The following NPAS1 variants were observed in gnomAD, a reference collection of about 807,000 sequenced individuals.
The protein encoded by NPAS1 is neuronal PAS domain protein 1.
Under a neutral mutation model 49.2 loss-of-function variants are expected in NPAS1, and 29 were observed. That is an observed-to-expected ratio of 0.59 (90% CI 0.44 to 0.80). The LOEUF is 0.80. NPAS1 is among the 30% of genes least tolerant of loss of function. The pLI is 0.00. For synonymous variants in NPAS1, 408 were observed against 380.4 expected, an observed-to-expected ratio of 1.07 and a Z score of -0.84; for missense variants, 825 against 835.5, an observed-to-expected ratio of 0.99 and a Z score of 0.15.
chr19:47,023,310 C>T (rs2056853242), intron 3 of NPAS1, among the ~76,000 whole-genome samples: 2 of 152,294 alleles, frequency 1.3e-5, no homozygotes, highest in East Asian at 1.9e-4. Flanking sequence ...GGCGTCCAGC[C>T]CCCCATTACC....
chr19:47,039,596 TG>T, intron 8 of NPAS1, 32 bp downstream of exon 8: 2 of 1,531,734 alleles, frequency 1.3e-6, no homozygotes, highest in South Asian at 1.3e-5. Context: ...GCGGGTGGAT[TG>T]GGGGCACAAT....
intron 3 of NPAS1, among the ~76,000 whole-genome samples, chr19:47,028,439 G>T (rs1228340907): frequency 6.6e-6 from 1 of 152,100 alleles, no homozygotes; most frequent in Non-Finnish European, 1.5e-5. Flanking sequence ...CGCGCCCATG[G>T]GGGAGGGGCG....
In NPAS1 at chr19:47,033,821, A is replaced by G. The variant is rs566301150; in HGVS notation, c.522+1089A>G. ...CCACCCCCACCATCTCTACAAAAAA[A>G]CTTAAAAATTAGCCAGGCATGGTGG... is the stretch of plus-strand genomic sequence containing the variant. On this transcript the variant is annotated intron_variant, in intron 5 of 11. Transcript: ENST00000602212. Among the ~76,000 whole-genome samples the G allele has an allele frequency of 1.2e-4, 18 of 149,864 alleles. No homozygotes were observed. In the East Asian group the frequency reaches 3.6e-3, roughly 30 times the overall value.
At chr19:47,029,519 C>A (rs1285043318) in intron 3 of NPAS1, among the ~76,000 whole-genome samples, 1 of 152,098 alleles carries the variant, frequency 6.6e-6, no homozygotes, top group Non-Finnish European at 1.5e-5. Flanking sequence ...CCCTCCTCAG[C>A]CTCCCGAATA....
chr19:47,023,672 G>A (rs2056855160), intron 3 of NPAS1, among the ~76,000 whole-genome samples: 1 of 152,164 alleles, frequency 6.6e-6, no homozygotes, highest in Admixed American at 6.6e-5. Flanking sequence ...TCAGTAATAA[G>A]CCGGGCACCA....
At chr19:47,041,673 T>G (rs1483423441) in intron 10 of NPAS1, among the ~76,000 whole-genome samples, 1 of 152,108 alleles carries the variant, frequency 6.6e-6, no homozygotes, top group African/African-American at 2.4e-5. Flanking sequence ...TCAGATCTGC[T>G]TTTTAGAAAG....
At position 47,036,023 on chromosome 19, in the gene NPAS1, G is replaced by A; in HGVS notation, c.582G>A (p.Val194=). Residue 194 remains valine, a synonymous_variant, in exon 6 of 12, where the codon GTG becomes GTA. Transcript: ENST00000602212. ...TTCACCCTGGGGACCACTCAGAGGT[G>A]CTGGAGCAACTGGGGCTGCGGACGC... The part of the protein sequence containing the change: ...DYIHPGDHSE[V]LEQLGLRTPT... 6.2e-7 allele frequency: 1 copy of A among 1,602,920 alleles called. No homozygotes were observed. Among genetic ancestry groups the A allele is most frequent in the Non-Finnish European group, 8.5e-7 (1 of 1,174,456 alleles).
intron 7 of NPAS1, 89 bp downstream of exon 7, chr19:47,039,240 G>T: frequency 6.9e-7 from 1 of 1,452,016 alleles, no homozygotes; most frequent in Non-Finnish European, 9.4e-7. Flanking sequence ...TGGCTTCACT[G>T]GCTGCAGGTG....
Position 47,039,043 on chromosome 19 carries a change from C to T in NPAS1, c.696C>T (p.Ser232=), listed in dbSNP as rs770543566. 3 of 1,614,118 alleles carry T rather than the reference C, an allele frequency of 1.9e-6. No individual in the cohort carries two copies. The highest frequency in any genetic ancestry group is 2.2e-5 in the South Asian group (2 of 91,090). The change falls in exon 7 of 12, where the codon AGC becomes AGT. Residue 232 remains serine (S), a synonymous_variant. Coordinates refer to ENST00000602212, the MANE Select transcript of NPAS1 (RefSeq NM_002517.4). ...SLADTPEIEA[S]LTKVPPSSLV... The stretch of plus-strand genomic sequence containing the variant: ...CTTCACTCTCTGTCCCAGAGGCCAG[C>T]CTCACCAAGGTGCCCCCCTCCTCCC...
Position 47,036,084 on chromosome 19 carries a change from T to C in NPAS1, c.643T>C (p.Ser215Pro). 6.3e-7 allele frequency: 1 copy of C among 1,587,232 alleles called. No individual in the cohort carries two copies. Among genetic ancestry groups the C allele is most frequent in the Non-Finnish European group, 8.6e-7 (1 of 1,166,974 alleles). ...CCCCCCAACCCCGCCCTCCGTCTCC[T>C]CTTCCTCCTCCTCTTCCTCTTCGCT... Reference protein sequence around the residue: ...PGPPTPPSVSSSSSSSSSLAD... With the variant: ...PGPPTPPSVSPSSSSSSSLAD... Residue 215 changes from serine (S) to proline (P), a missense_variant, in exon 6 of 12, where the codon TCT (serine) becomes CCT (proline). Coordinates refer to ENST00000602212, the MANE Select transcript of NPAS1 (RefSeq NM_002517.4).
intron 3 of NPAS1, among the ~76,000 whole-genome samples, chr19:47,027,001 T>A (rs532856558): frequency 1.3e-5 from 2 of 151,500 alleles, no homozygotes; most frequent in Non-Finnish European, 2.9e-5. Flanking sequence ...CTCCCAGTAT[T>A]AGGCACCTAC....
intron 5 of NPAS1, among the ~76,000 whole-genome samples, chr19:47,033,706 C>G (rs1173860987): frequency 1.3e-5 from 2 of 151,846 alleles, no homozygotes; most frequent in Admixed American, 6.6e-5. Flanking sequence ...GCCTGTAATC[C>G]CAACACTTTG....
intron 1 of NPAS1, 99 bp from the exon 2 acceptor site, chr19:47,020,907 C>A (rs1213538580): frequency 4.0e-5 from 12 of 301,050 alleles, no homozygotes; most frequent in Non-Finnish European, 6.3e-5. Flanking sequence ...CCCCCCCCCC[C>A]AGCTCCTTGC....
intron 3 of NPAS1, among the ~76,000 whole-genome samples, chr19:47,031,191 G>A (rs982917528): frequency 3.7e-5 from 3 of 80,664 alleles, no homozygotes; most frequent in African/African-American, 9.8e-5. Context: ...TTGTGTGTGT[G>A]TGTTTTTTTT....
chr19:47,026,963 AAAAG>A (rs2056874923), intron 3 of NPAS1, among the ~76,000 whole-genome samples: 1 of 152,130 alleles, frequency 6.6e-6, no homozygotes, highest in African/African-American at 2.4e-5. Context: ...AAAAAAAAAA[AAAAG>A]AGAGAGAGAG....
intron 3 of NPAS1, among the ~76,000 whole-genome samples, chr19:47,026,826 T>TC (rs113446862): frequency 0.39 from 58,473 of 151,726 alleles, 11,709 homozygotes; most frequent in Middle Eastern, 0.53. Flanking sequence ...ATGGTGGTGG[T>TC]GCCTGTACTC....
chr19:47,028,246 C>T (rs2056886188), intron 3 of NPAS1, among the ~76,000 whole-genome samples: 1 of 152,164 alleles, frequency 6.6e-6, no homozygotes, highest in African/African-American at 2.4e-5. Flanking sequence ...CTGCCTGTCA[C>T]CCGGCTGGTT....
intron 7 of NPAS1, 37 bp downstream of exon 7, chr19:47,039,188 G>A: frequency 6.4e-7 from 1 of 1,558,494 alleles, no homozygotes; most frequent in Non-Finnish European, 8.7e-7. Flanking sequence ...ATTCCAGGCA[G>A]CCATGTCCCC....
rs764432402 is a variant in NPAS1, at chr19:47,021,709, C to T, written c.220C>T (p.Leu74=). 2 of 1,554,838 alleles carry T rather than the reference C, an allele frequency of 1.3e-6. No individual in the cohort carries two copies. The highest frequency in any genetic ancestry group is 1.9e-5 in the Admixed American group (1 of 52,790). ...EFFELAKLLP[L]PGAISSQLDK... ...CTTCGAGCTGGCCAAGCTTCTCCCGCTGCCCGGCGCCATCTCCAGCCAGCT... is the reference window on the plus strand; with the variant it reads ...CTTCGAGCTGGCCAAGCTTCTCCCGTTGCCCGGCGCCATCTCCAGCCAGCT... Residue 74 remains leucine, a synonymous_variant, in exon 3 of 12, where the codon CTG becomes TTG. Transcript: ENST00000602212. This position sits in a 1 kb window ranked among gnomAD's most constrained non-coding sequence, Gnocchi z 5.7.
Sources: allele counts gnomAD v4.1 joint callset (sites outside exome capture counted in the v4.1 genomes callset), GRCh38; gene constraint gnomAD v4.1.1; non-coding constraint Gnocchi (gnomAD v3.1); transcripts MANE v1.5; gene names NCBI Gene and HGNC (gene_info 2026-07-23, HGNC 2026-07-21).